The following ACTR3C variants were observed in gnomAD, a reference collection of about 807,000 sequenced individuals.
ACTR3C encodes the protein actin-related protein 3C.
ACTR3C carries 18 observed loss-of-function variants against 26.3 expected under a neutral mutation model. The ratio of observed to expected loss-of-function variants is 0.68; its 90% CI spans 0.47 to 1.01. The LOEUF (loss-of-function observed/expected upper bound fraction) is 1.01. ACTR3C is among the 50% of genes least tolerant of loss of function. The probability of loss-of-function intolerance (pLI) is 0.00; values close to 1 mark genes in which losing one functional copy is unlikely to be tolerated. For missense variants in ACTR3C, 184 were observed against 250.7 expected (o/e 0.73, Z 1.80); for synonymous variants, 55 against 94.5 (o/e 0.58, Z 2.42).
At chr7:149,942,503 G>A in the ACTR3C span, among the ~76,000 whole-genome samples, 5 of 152,136 alleles carry the variant, frequency 3.3e-5, no homozygotes, top group African/African-American at 1.2e-4. Flanking sequence ...GTGGGAAGGA[G>A]TGGATGGGTT....
the ACTR3C span, among the ~76,000 whole-genome samples, chr7:149,949,365 C>T: frequency 3.7e-5 from 5 of 136,862 alleles, no homozygotes; most frequent in Admixed American, 7.1e-5. Context: ...GAGAGTAAGA[C>T]TCCGACAGAA....
At chr7:150,148,964 C>T in the ACTR3C span, among the ~76,000 whole-genome samples, 260 of 135,688 alleles carry the variant, frequency 1.9e-3, 4 homozygotes, top group African/African-American at 7.0e-3. Flanking sequence ...CAGCCACTGC[C>T]GCTGTCTCCA....
At chr7:150,182,739 C>T in the ACTR3C span, among the ~76,000 whole-genome samples, 1 of 150,948 alleles carries the variant, frequency 6.6e-6, no homozygotes, top group African/African-American at 2.5e-5. Flanking sequence ...ATATGTCATC[C>T]AAAACTGATT....
the ACTR3C span, among the ~76,000 whole-genome samples, chr7:150,069,298 C>G: frequency 1.3e-5 from 2 of 152,060 alleles, no homozygotes; most frequent in Non-Finnish European, 2.9e-5. Context: ...TTCACAGGCC[C>G]CTGGGACCCC....
chr7:150,069,604 G>T, the ACTR3C span, among the ~76,000 whole-genome samples: 1 of 152,042 alleles, frequency 6.6e-6, no homozygotes, highest in Non-Finnish European at 1.5e-5. Flanking sequence ...TAGCCAGGGA[G>T]GATAAGACAG....
chr7:150,041,795 G>T, the ACTR3C span, among the ~76,000 whole-genome samples: 3 of 136,074 alleles, frequency 2.2e-5, no homozygotes, highest in Admixed American at 7.1e-5. Flanking sequence ...CTCGCGGGGG[G>T]TGCCTCCCCC....
chr7:150,282,218 C>CT (rs1835403982), intron 6 of ACTR3C, among the ~76,000 whole-genome samples: 1 of 143,090 alleles, frequency 7.0e-6, no homozygotes, highest in South Asian at 2.3e-4. Context: ...CACCAGCTGT[C>CT]TCCTCCCCGG....
chr7:150,014,627 A>AATGCAAACTGAG, the ACTR3C span, among the ~76,000 whole-genome samples: 2,879 of 152,250 alleles, frequency 0.019, 33 homozygotes, highest in Admixed American at 0.03. Context: ...TCAGCCTTGA[A>AATGCAAACTGAG]ATGCAAACTG....
chr7:150,300,449 C>G (rs555129867), intron 1 of ACTR3C, among the ~76,000 whole-genome samples: 10 of 152,278 alleles, frequency 6.6e-5, no homozygotes, highest in Non-Finnish European at 1.5e-5. Context: ...AATCAGCTGG[C>G]TAAGAACGGG....
At chr7:150,166,714 G>A in the ACTR3C span, among the ~76,000 whole-genome samples, 4 of 149,404 alleles carry the variant, frequency 2.7e-5, no homozygotes, top group Non-Finnish European at 5.9e-5. Context: ...AAAAAGTTTT[G>A]TTAACTGTAG....
At chr7:150,000,109 T>A in the ACTR3C span, among the ~76,000 whole-genome samples, 4 of 151,814 alleles carry the variant, frequency 2.6e-5, no homozygotes. Context: ...TATATGTAGT[T>A]TTAGATTTTA....
the ACTR3C span, among the ~76,000 whole-genome samples, chr7:150,123,923 G>A: frequency 2.6e-5 from 4 of 152,154 alleles, no homozygotes; most frequent in Non-Finnish European, 5.9e-5. Context: ...GAGCTCTCCT[G>A]GTGGAGCATG....
the ACTR3C span, among the ~76,000 whole-genome samples, chr7:150,181,036 T>C: frequency 1.1e-3 from 173 of 151,466 alleles, no homozygotes; most frequent in Admixed American, 4.0e-3. Flanking sequence ...TATAAGCAGA[T>C]TGAAATATAC....
the ACTR3C span, among the ~76,000 whole-genome samples, chr7:149,914,268 G>T: frequency 6.6e-6 from 1 of 151,926 alleles, no homozygotes; most frequent in Admixed American, 6.6e-5. Flanking sequence ...TGTAGGAAAT[G>T]CTTTCCAATT....
chr7:150,019,599 A>AATAAT, the ACTR3C span, among the ~76,000 whole-genome samples: 295 of 109,802 alleles, frequency 2.7e-3, 3 homozygotes, highest in African/African-American at 9.4e-3. Context: ...TCAAAAATAA[A>AATAAT]AATAATAATA....
chr7:150,277,314 G>A (rs1456636546), intron 6 of ACTR3C, among the ~76,000 whole-genome samples: 1 of 152,110 alleles, frequency 6.6e-6, no homozygotes, highest in East Asian at 1.9e-4. Context: ...TCTCTTAAAA[G>A]AAAAAGAGAT....
chr7:150,321,093 A>G (rs184888057), intron 1 of ACTR3C, among the ~76,000 whole-genome samples: 2 of 152,102 alleles, frequency 1.3e-5, no homozygotes, highest in African/African-American at 4.8e-5. Context: ...TTCAGCAAAA[A>G]TCCCCTACCC....
At chr7:149,911,777 T>C in the ACTR3C span, among the ~76,000 whole-genome samples, 1 of 152,102 alleles carries the variant, frequency 6.6e-6, no homozygotes, top group Admixed American at 6.5e-5. Context: ...GAGTATACTA[T>C]ACTGGTTAAG....
the ACTR3C span, among the ~76,000 whole-genome samples, chr7:150,214,247 A>G: frequency 6.6e-6 from 1 of 152,202 alleles, no homozygotes; most frequent in Non-Finnish European, 1.5e-5. Flanking sequence ...AACACAGACC[A>G]ATTCTAAGAA....
Sources: allele counts gnomAD v4.1 joint callset (sites outside exome capture counted in the v4.1 genomes callset), GRCh38; gene constraint gnomAD v4.1.1; transcripts MANE v1.5; gene names NCBI Gene and HGNC (gene_info 2026-07-23, HGNC 2026-07-21).